HIVEP2: variants seen among roughly 807,000 people sequenced by gnomAD.
The protein encoded by HIVEP2 is transcription factor HIVEP2.
Under a neutral mutation model 180.7 loss-of-function variants are expected in HIVEP2, and 14 were observed. The observed-to-expected ratio is 0.08, with a 90% confidence interval of 0.05 to 0.12. HIVEP2 has a LOEUF of 0.12. Ranked by LOEUF, HIVEP2 falls within the 10% of genes least tolerant of loss-of-function variation. The pLI is 1.00. For missense variants in HIVEP2, 2,579 were observed against 3,008.5 expected, an observed-to-expected ratio of 0.86 and a Z score of 3.34; for synonymous variants, 1,184 against 1,136.4, an observed-to-expected ratio of 1.04 and a Z score of -0.84.
chr6:142,781,302 C>G (rs1014182907), intron 3 of HIVEP2, among the ~76,000 whole-genome samples: 1 of 152,156 alleles, frequency 6.6e-6, no homozygotes, highest in Non-Finnish European at 1.5e-5. Context: ...CGAGTCGTCA[C>G]TTTATTCACT....
intron 2 of HIVEP2, among the ~76,000 whole-genome samples, chr6:142,786,126 T>C (rs969001357): frequency 1.3e-5 from 2 of 152,190 alleles, no homozygotes; most frequent in African/African-American, 4.8e-5. Context: ...GTGTCTTTAT[T>C]TCTCCATCAA....
chr6:142,864,237 C>T (rs1353417471), intron 1 of HIVEP2, among the ~76,000 whole-genome samples: 1 of 152,106 alleles, frequency 6.6e-6, no homozygotes, highest in Non-Finnish European at 1.5e-5. Flanking sequence ...CTGCTCAACT[C>T]CCAGTCCCAT....
At position 142,753,053 on chromosome 6, in the gene HIVEP2, A is replaced by G; in HGVS notation, c.*54T>C. On this transcript the variant is annotated 3_prime_UTR_variant, in exon 10 of 10. Transcript: ENST00000367603. ...CTGGATTACCTCCATTTCTAGAAAA[A>G]CAAAAACAAAAAAATGGGAAAATGT... is the stretch of plus-strand genomic sequence containing the variant. 1 of 1,162,228 alleles carries G rather than the reference A, an allele frequency of 8.6e-7. No individual in the cohort carries two copies. The highest frequency in any genetic ancestry group is 2.3e-5 in the East Asian group (1 of 42,638). The allele number at this position is 1,162,228 out of a possible 1,614,324, so 72.0% of individuals were successfully genotyped here.
chr6:142,919,701 T>C (rs973979609), intron 1 of HIVEP2, among the ~76,000 whole-genome samples: 10 of 152,234 alleles, frequency 6.6e-5, no homozygotes, highest in Admixed American at 3.3e-4. Flanking sequence ...AGATGTAATA[T>C]ACATTATCTA....
At position 142,770,625 on chromosome 6, in the gene HIVEP2, T is replaced by G. The variant is rs1440696513; in HGVS notation, c.4114A>C (p.Asn1372His). The change falls in exon 5 of 10, where the codon AAT becomes CAT. Residue 1372 changes from asparagine to histidine, a missense_variant. Physicochemically the swap from Asn to His is moderately conservative, Grantham distance 68. Around this residue, in one of 11 missense-constraint regions of HIVEP2, gnomAD observed 523 missense variants for 577.0 expected, o/e 0.91. Coordinates refer to ENST00000367603, the MANE Select transcript of HIVEP2 (RefSeq NM_006734.4). This position sits in a 1 kb window ranked among gnomAD's most constrained non-coding sequence, Gnocchi z 4.7. ...GTGACCAGTGTCCTTTGGGTCATAT[T>G]CTCATCGACTTTGCATATGACAATG... ...PAIVICKVDE[N>H]MTQRTLVTNA... 6.2e-7 allele frequency: 1 copy of G among 1,614,218 alleles called. No homozygotes were observed. Among genetic ancestry groups the G allele is most frequent in the Admixed American group, 1.7e-5 (1 of 60,032 alleles).
intron 2 of HIVEP2, among the ~76,000 whole-genome samples, chr6:142,798,151 C>T (rs1486208587): frequency 3.9e-5 from 6 of 151,902 alleles, no homozygotes; most frequent in East Asian, 3.9e-4. Context: ...CCTGATGGCA[C>T]ATCTGATACA....
intron 2 of HIVEP2, among the ~76,000 whole-genome samples, chr6:142,787,625 G>T (rs1213030507): frequency 1.3e-5 from 2 of 149,966 alleles, no homozygotes; most frequent in Non-Finnish European, 3.0e-5. Flanking sequence ...AGTGCGTAAA[G>T]TGGCAAAGGA....
chr6:142,926,525 A>G (rs1462038154), intron 1 of HIVEP2, among the ~76,000 whole-genome samples: 1 of 152,238 alleles, frequency 6.6e-6, no homozygotes, highest in African/African-American at 2.4e-5. Flanking sequence ...AAGAGCGTAT[A>G]TTCTATCCGG....
intron 2 of HIVEP2, among the ~76,000 whole-genome samples, chr6:142,798,276 A>C (rs1045225966): frequency 6.6e-6 from 1 of 151,762 alleles, no homozygotes; most frequent in African/African-American, 2.4e-5. Flanking sequence ...CTCAAAAAAA[A>C]AAGAAAAGAA....
intron 1 of HIVEP2, among the ~76,000 whole-genome samples, chr6:142,882,875 C>T (rs193241969): frequency 5.7e-4 from 86 of 152,196 alleles, no homozygotes; most frequent in Non-Finnish European, 7.8e-4. Context: ...AACCCTGCAA[C>T]ACAATAGGAA....
chr6:142,761,447 A>T lies in HIVEP2; in HGVS notation c.5620+17T>A, dbSNP rs1486111719. ...GCATAATGAAGAGGTCTGTCAACTC[A>T]TTTATGACATACACACCTGCTTCCT... On this transcript the variant is annotated intron_variant, in intron 8 of 9. Transcript: ENST00000367603. 2.3e-6 allele frequency: 3 copies of T among 1,328,504 alleles called. No homozygotes were observed. In the Admixed American group the frequency reaches 5.0e-5, roughly 22 times the overall value. The allele number at this position is 1,328,504 out of a possible 1,614,324, so 82.3% of individuals were successfully genotyped here.
intron 1 of HIVEP2, among the ~76,000 whole-genome samples, chr6:142,843,955 T>A (rs557662123): frequency 3.3e-4 from 51 of 152,336 alleles, no homozygotes; most frequent in Middle Eastern, 3.4e-3. Context: ...GATTTAATAA[T>A]CTTCTGTTAC....
At chr6:142,909,188 G>A (rs1012056139) in intron 1 of HIVEP2, among the ~76,000 whole-genome samples, 3 of 151,840 alleles carry the variant, frequency 2.0e-5, no homozygotes, top group African/African-American at 7.3e-5. Flanking sequence ...CATGACCCAA[G>A]GAAATCATTA....
At chr6:142,939,288 T>A (rs1778120660) in intron 1 of HIVEP2, among the ~76,000 whole-genome samples, 1 of 152,092 alleles carries the variant, frequency 6.6e-6, no homozygotes, top group Non-Finnish European at 1.5e-5. Context: ...TCATTACTTC[T>A]CTTTAGGATA....
At chr6:142,887,748 T>C (rs1353086918) in intron 1 of HIVEP2, among the ~76,000 whole-genome samples, 1 of 152,208 alleles carries the variant, frequency 6.6e-6, no homozygotes, top group African/African-American at 2.4e-5. Context: ...ATCTGTGAGA[T>C]CATTTCCTGC....
intron 2 of HIVEP2, among the ~76,000 whole-genome samples, chr6:142,825,631 G>A (rs934178131): frequency 1.3e-5 from 2 of 152,060 alleles, no homozygotes; most frequent in Non-Finnish European, 2.9e-5. Context: ...AATGTGTAAG[G>A]TCAAACATAT....
intron 7 of HIVEP2, among the ~76,000 whole-genome samples, chr6:142,763,545 T>C (rs1027767345): frequency 6.6e-6 from 1 of 152,218 alleles, no homozygotes; most frequent in African/African-American, 2.4e-5. Flanking sequence ...TTTTTAAAAA[T>C]ATCTAGAGAT....
intron 7 of HIVEP2, among the ~76,000 whole-genome samples, chr6:142,763,259 A>T (rs188688976): frequency 2.0e-5 from 3 of 152,176 alleles, no homozygotes; most frequent in African/African-American, 7.2e-5. Flanking sequence ...AGAGGGAAGG[A>T]GAGTGGCGGG....
Position 142,770,715 on chromosome 6 carries a change from C to A in HIVEP2, c.4024G>T (p.Val1342Leu), listed in dbSNP as rs760320989. 1 of 1,614,168 alleles carries A rather than the reference C, an allele frequency of 6.2e-7. No individual in the cohort carries two copies. ...TACATGACACTTCCATAGGATGGTA[C>A]GTGCGTCTGGATCCGAACAGGAACC... Reference protein sequence around the residue: ...TVVPVRIQTHVPSYGSVMYTS... With the variant: ...TVVPVRIQTHLPSYGSVMYTS... The change falls in exon 5 of 10, where the codon GTA (valine) becomes TTA (leucine). Residue 1342 changes from valine (V) to leucine (L), a missense_variant. This residue lies in a region of HIVEP2 where 523 missense variants were observed against 577.0 expected (regional missense o/e 0.91). Transcript: ENST00000367603. The surrounding 1 kb of genome is among the most constrained non-coding windows in gnomAD (Gnocchi z 4.7).
Sources: allele counts gnomAD v4.1 joint callset (sites outside exome capture counted in the v4.1 genomes callset), GRCh38; gene constraint gnomAD v4.1.1; regional missense constraint gnomAD v4.1.1; non-coding constraint Gnocchi (gnomAD v3.1); transcripts MANE v1.5; gene names NCBI Gene and HGNC (gene_info 2026-07-23, HGNC 2026-07-21).